Variants in RFX3 observed in about 807,000 individuals in gnomAD.
The protein encoded by RFX3 is transcription factor RFX3.
A neutral mutation model predicts 98.6 loss-of-function variants in RFX3; 14 were observed. The observed-to-expected ratio is 0.14, with a 90% CI of 0.09 to 0.22. The LOEUF (loss-of-function observed/expected upper bound fraction) is 0.22, where lower values mean the gene tolerates loss of function less well. Ranked by LOEUF, RFX3 falls within the 10% of genes least tolerant of loss-of-function variation. The pLI, the probability that RFX3 is intolerant of heterozygous loss-of-function variation, is 1.00. For synonymous variants in RFX3, 383 were observed against 328.4 expected, an observed-to-expected ratio of 1.17 and a Z score of -1.80; for missense variants, 639 against 926.9, an observed-to-expected ratio of 0.69 and a Z score of 4.03.
At chr9:3,464,415 C>G (rs956386158) in intron 1 of RFX3, among the ~76,000 whole-genome samples, 1 of 152,198 alleles carries the variant, frequency 6.6e-6, no homozygotes, top group East Asian at 1.9e-4. Flanking sequence ...TCAGAACAAC[C>G]AAATTGCGGT....
intron 1 of RFX3, among the ~76,000 whole-genome samples, chr9:3,486,477 T>G (rs544107332): frequency 1.3e-4 from 20 of 152,306 alleles, no homozygotes; most frequent in African/African-American, 3.8e-4. Context: ...TTTCCATGGC[T>G]CCAATCTTTT....
chr9:3,488,088 C>T (rs928330295), intron 1 of RFX3, among the ~76,000 whole-genome samples: 4 of 152,104 alleles, frequency 2.6e-5, no homozygotes, highest in African/African-American at 7.2e-5. Context: ...TCCTACCACT[C>T]CCGTTCCCAA....
At chr9:3,281,614 G>C (rs936595199) in intron 7 of RFX3, among the ~76,000 whole-genome samples, 1 of 151,726 alleles carries the variant, frequency 6.6e-6, no homozygotes, top group African/African-American at 2.4e-5. Flanking sequence ...TTAACAGCTT[G>C]CAACTCAATG....
chr9:3,301,682 A>G, intron 4 of RFX3, 62 bp from the exon 5 acceptor site: 4 of 1,171,760 alleles, frequency 3.4e-6, no homozygotes, highest in Non-Finnish European at 5.0e-6. Flanking sequence ...GGCTGACCAG[A>G]GAATTTCTGA....
intron 1 of RFX3, among the ~76,000 whole-genome samples, chr9:3,419,620 C>T (rs1305819713): frequency 6.6e-6 from 1 of 152,100 alleles, no homozygotes; most frequent in Admixed American, 6.6e-5. Context: ...ATTTACTGTA[C>T]CTTTAACAAC....
chr9:3,445,632 T>A (rs563638150), intron 1 of RFX3, among the ~76,000 whole-genome samples: 1 of 152,300 alleles, frequency 6.6e-6, no homozygotes, highest in African/African-American at 2.4e-5. Context: ...ATTTATTTTT[T>A]AAAAATACAA....
chr9:3,469,128 A>C (rs1030657657), intron 1 of RFX3: 2 of 453,706 alleles, frequency 4.4e-6, no homozygotes, highest in Admixed American at 4.7e-5. Flanking sequence ...CAGATGATCA[A>C]GGGATAAATT....
chr9:3,304,657 G>T (rs1488206412), intron 4 of RFX3, among the ~76,000 whole-genome samples: 1 of 151,926 alleles, frequency 6.6e-6, no homozygotes, highest in Non-Finnish European at 1.5e-5. Flanking sequence ...TTTATAAAGG[G>T]TTTCCCCTTT....
rs1826886039 is a variant in RFX3 at position 3,288,142 on chromosome 9, T to C, written c.840A>G (p.Gln280=). Residue 280 remains glutamine, a synonymous_variant, in exon 7 of 17, where the codon CAA becomes CAG. Coordinates refer to ENST00000617270, the MANE Select transcript of RFX3 (RefSeq NM_001282116.2). ...QYMAMRQQPM[Q]QKQRYKPMQK... is the part of the protein sequence containing the mutation. ...ACTTCAGAGTCTACCTTTGTTTCTG[T>C]TGCATGGGTTGTTGTCTCATAGCCA... 3 of 1,612,694 alleles carry C rather than the reference T, an allele frequency of 1.9e-6. No individual in the cohort carries two copies. The highest frequency in any genetic ancestry group is 1.1e-5 in the South Asian group (1 of 91,042).
intron 7 of RFX3, among the ~76,000 whole-genome samples, chr9:3,284,102 A>G (rs904435239): frequency 1.3e-4 from 20 of 151,816 alleles, no homozygotes; most frequent in Admixed American, 7.2e-4. Flanking sequence ...ATAACAACTG[A>G]TAAGTATTTG....
intron 2 of RFX3, among the ~76,000 whole-genome samples, chr9:3,382,165 G>C (rs576449850): frequency 9.9e-5 from 15 of 152,204 alleles, no homozygotes; most frequent in African/African-American, 3.6e-4. Flanking sequence ...CCAAGTAGTT[G>C]GGACTACAGG....
intron 5 of RFX3, among the ~76,000 whole-genome samples, chr9:3,296,657 C>T (rs1290781543): frequency 6.6e-6 from 1 of 151,958 alleles, no homozygotes; most frequent in Admixed American, 6.6e-5. Context: ...ACGTTTTGTT[C>T]CCTACCCGTT....
chr9:3,486,128 CAAAA>C (rs772747349), intron 1 of RFX3, among the ~76,000 whole-genome samples: 1 of 49,166 alleles, frequency 2.0e-5, no homozygotes, highest in Non-Finnish European at 3.6e-5. Context: ...TGTCTCAAAC[CAAAA>C]AAAAAAAAAA....
chr9:3,262,893 T>C, intron 13 of RFX3, 42 bp downstream of exon 13: 1 of 1,594,206 alleles, frequency 6.3e-7, no homozygotes, highest in Non-Finnish European at 8.6e-7. Context: ...ACAAATTGGG[T>C]ATCTTTCCTT....
intron 2 of RFX3, among the ~76,000 whole-genome samples, chr9:3,362,240 G>C (rs1003767389): frequency 3.9e-5 from 6 of 152,174 alleles, no homozygotes; most frequent in Non-Finnish European, 8.8e-5. Flanking sequence ...AAGTTGCTGT[G>C]AATCTTCTAG....
intron 1 of RFX3, among the ~76,000 whole-genome samples, chr9:3,458,915 T>G (rs1036288276): frequency 2.6e-5 from 4 of 152,174 alleles, no homozygotes; most frequent in African/African-American, 9.6e-5. Flanking sequence ...CAAACTCAAA[T>G]TTGATTATCT....
At chr9:3,307,388 A>C (rs773430742) in intron 4 of RFX3, among the ~76,000 whole-genome samples, 2 of 152,116 alleles carry the variant, frequency 1.3e-5, no homozygotes, top group Admixed American at 6.6e-5. Flanking sequence ...ACATCACTTC[A>C]TATATTATTA....
chr9:3,276,070 A>G (rs1825173256), intron 8 of RFX3, among the ~76,000 whole-genome samples: 1 of 152,150 alleles, frequency 6.6e-6, no homozygotes, highest in Non-Finnish European at 1.5e-5. Flanking sequence ...TACAAAAATA[A>G]CATACAATTT....
chr9:3,515,336 A>T (rs1163686086), intron 1 of RFX3, among the ~76,000 whole-genome samples: 1 of 152,204 alleles, frequency 6.6e-6, no homozygotes, highest in East Asian at 1.9e-4. Flanking sequence ...TTTGGAAAAA[A>T]GGAATCACTA....
Sources: allele counts gnomAD v4.1 joint callset (sites outside exome capture counted in the v4.1 genomes callset), GRCh38; gene constraint gnomAD v4.1.1; transcripts MANE v1.5; gene names NCBI Gene and HGNC (gene_info 2026-07-23, HGNC 2026-07-21).